RIN3: variants seen among roughly 807,000 people sequenced by gnomAD.
RIN3 encodes Ras and Rab interactor 3.
A neutral mutation model predicts 76.3 loss-of-function variants in RIN3; 54 were observed. The observed-to-expected ratio is 0.71, with a 90% CI of 0.57 to 0.89. The LOEUF (loss-of-function observed/expected upper bound fraction) is 0.89, where lower values mean the gene tolerates loss of function less well. Ranked by LOEUF, RIN3 falls within the 40% of genes least tolerant of loss-of-function variation. The pLI is 0.00. For missense variants in RIN3, 1,256 were observed against 1,322.1 expected (o/e 0.95, Z 0.78); for synonymous variants, 576 against 564.0 (o/e 1.02, Z -0.30).
intron 4 of RIN3, among the ~76,000 whole-genome samples, chr14:92,640,892 A>G (rs1236390669): frequency 6.6e-6 from 1 of 150,846 alleles, no homozygotes; most frequent in Non-Finnish European, 1.5e-5. Context: ...TGCACCAGCA[A>G]GGGTCAGAGG....
At chr14:92,626,773 GT>G (rs1886371567) in intron 4 of RIN3, among the ~76,000 whole-genome samples, 1 of 152,074 alleles carries the variant, frequency 6.6e-6, no homozygotes, top group Non-Finnish European at 1.5e-5. Flanking sequence ...GGGAAAGGTG[GT>G]TTAGAGGGTT....
chr14:92,551,172 G>A (rs975735211), intron 1 of RIN3, among the ~76,000 whole-genome samples: 5 of 152,182 alleles, frequency 3.3e-5, no homozygotes, highest in African/African-American at 1.2e-4. Flanking sequence ...ACATCTAAGT[G>A]TCCTGTTTGA....
intron 1 of RIN3, among the ~76,000 whole-genome samples, chr14:92,521,161 T>C (rs8019793): frequency 0.26 from 38,556 of 149,896 alleles, 9,048 homozygotes; most frequent in African/African-American, 0.64. Context: ...CATCCACCCA[T>C]CAACCCACCC....
intron 1 of RIN3, among the ~76,000 whole-genome samples, chr14:92,516,359 C>A (rs1286185368): frequency 6.6e-6 from 1 of 152,136 alleles, no homozygotes; most frequent in African/African-American, 2.4e-5. Flanking sequence ...TGAAGAGGAG[C>A]CCCTTAACCA....
rs12887391 is a variant in RIN3 at position 92,685,792 on chromosome 14, A to C, written c.2631+642A>C. Reference sequence around the variant, plus strand: ...AATCTCCCCTTCTTCACTGGCTGTCACTGCCCATCCTTTAAGACGACTCAG... The same window carrying C: ...AATCTCCCCTTCTTCACTGGCTGTCCCTGCCCATCCTTTAAGACGACTCAG... On this transcript the variant is annotated intron_variant, in intron 9 of 9. Coordinates refer to ENST00000216487, the MANE Select transcript of RIN3 (RefSeq NM_024832.5). This position sits in a 1 kb window ranked among gnomAD's most constrained non-coding sequence, Gnocchi z 4.7. The C allele has an allele frequency of 0.26, 39,673 of 151,422 alleles. 6,543 individuals are homozygous for C. The highest frequency in any genetic ancestry group is 0.35 in the Non-Finnish European group (24,101 of 68,068). The allele number at this position is 151,422 out of a possible 1,614,324, so 9.4% of individuals were successfully genotyped here.
intron 1 of RIN3, among the ~76,000 whole-genome samples, chr14:92,546,031 T>G (rs915213684): frequency 3.3e-5 from 5 of 152,042 alleles, no homozygotes; most frequent in Admixed American, 2.0e-4. Context: ...GTTTAAGCGA[T>G]TCTCCTGCCT....
In RIN3 at chr14:92,676,958, T is replaced by TA. The variant is rs762499327; in HGVS notation, c.2467+362dup. Among the ~76,000 whole-genome samples, 154 of 147,288 alleles carry TA rather than the reference T, an allele frequency of 1.0e-3. No homozygotes were observed. The East Asian group carries it at 0.016, about 15-fold the overall frequency. ...GAAGGATAAATAGGAGCCAGCTGAT[T>TA]AAAAAAAAAAGGGAAAAGGCAGTCT... On this transcript the variant is annotated intron_variant, in intron 8 of 9. Transcript: ENST00000216487.
intron 3 of RIN3, among the ~76,000 whole-genome samples, chr14:92,612,027 C>A (rs1336098412): frequency 6.6e-6 from 1 of 152,116 alleles, no homozygotes; most frequent in Non-Finnish European, 1.5e-5. Context: ...CGTGAGAACT[C>A]TATCAGAGAA....
rs1896408744 is a variant in RIN3 at position 92,515,271 on chromosome 14, C to T, written c.44+1295C>T. Reference sequence around the variant, plus strand: ...ATCCGTTGGGGAAGAGCCCCCCAACCCTCACACCCACTTGCAAGTATCTGC... The same window carrying T: ...ATCCGTTGGGGAAGAGCCCCCCAACTCTCACACCCACTTGCAAGTATCTGC... On this transcript the variant is annotated intron_variant, in intron 1 of 9. Transcript: ENST00000216487. The T allele has an allele frequency of 5.7e-6, 4 of 699,132 alleles. No homozygotes were observed. The East Asian group carries it at 1.1e-4, about 19-fold the overall frequency. The allele number at this position is 699,132 out of a possible 1,614,324, so 43.3% of individuals were successfully genotyped here.
intron 5 of RIN3, among the ~76,000 whole-genome samples, chr14:92,650,616 C>T (rs183658768): frequency 6.6e-6 from 1 of 152,330 alleles, no homozygotes; most frequent in Non-Finnish European, 1.5e-5. Context: ...CTGAACAAGA[C>T]CTGGGACCCT....
chr14:92,668,907 A>T (rs911967366), intron 7 of RIN3, among the ~76,000 whole-genome samples: 1 of 152,220 alleles, frequency 6.6e-6, no homozygotes, highest in Non-Finnish European at 1.5e-5. Flanking sequence ...TTTGAAGTCT[A>T]CTGTTCTAAA....
At chr14:92,599,212 G>A (rs1364715129) in intron 3 of RIN3, among the ~76,000 whole-genome samples, 6 of 151,902 alleles carry the variant, frequency 3.9e-5, no homozygotes, top group South Asian at 2.1e-4. Flanking sequence ...GGCACGATCC[G>A]ATGTGCCTGC....
At chr14:92,635,519 G>A (rs1886741131) in intron 4 of RIN3, among the ~76,000 whole-genome samples, 1 of 152,126 alleles carries the variant, frequency 6.6e-6, no homozygotes, top group Non-Finnish European at 1.5e-5. Context: ...TCTACCTTGT[G>A]GCCCGGCAGA....
At chr14:92,684,511 G>C (rs1476173229) in intron 8 of RIN3, among the ~76,000 whole-genome samples, 1 of 151,928 alleles carries the variant, frequency 6.6e-6, no homozygotes, top group Non-Finnish European at 1.5e-5. Flanking sequence ...TGGAAGCATG[G>C]TTTCTACTGA....
intron 3 of RIN3, chr14:92,586,467 A>G (rs1249128244): frequency 6.6e-6 from 1 of 152,232 alleles, no homozygotes; most frequent in Non-Finnish European, 1.5e-5. Context: ...TTCAGCCTCC[A>G]ACACTGGAGT....
intron 1 of RIN3, among the ~76,000 whole-genome samples, chr14:92,527,053 T>TC: frequency 6.9e-6 from 1 of 144,802 alleles, no homozygotes; most frequent in East Asian, 2.0e-4. Context: ...CATCTTTTTT[T>TC]TTTTTTTTTT....
chr14:92,665,735 G>C (rs12590630), intron 7 of RIN3, among the ~76,000 whole-genome samples: 50,303 of 149,164 alleles, frequency 0.34, 8,658 homozygotes, highest in East Asian at 0.44. Flanking sequence ...TTTTCCCCCA[G>C]CCCCACCTTT....
intron 8 of RIN3, among the ~76,000 whole-genome samples, chr14:92,683,156 A>C (rs1294765815): frequency 6.6e-6 from 1 of 151,776 alleles, no homozygotes; most frequent in Non-Finnish European, 1.5e-5. Context: ...AACAAGAGCG[A>C]AACTCCATCT....
chr14:92,625,293 G>GT (rs1331572892), intron 4 of RIN3, among the ~76,000 whole-genome samples: 5 of 152,288 alleles, frequency 3.3e-5, no homozygotes, highest in South Asian at 2.1e-4. Context: ...ATTTTTTAAA[G>GT]TCTGATTCAT....
Sources: allele counts gnomAD v4.1 joint callset (sites outside exome capture counted in the v4.1 genomes callset), GRCh38; gene constraint gnomAD v4.1.1; non-coding constraint Gnocchi (gnomAD v3.1); transcripts MANE v1.5; gene names NCBI Gene and HGNC (gene_info 2026-07-23, HGNC 2026-07-21).